NCOA1: variants seen among roughly 807,000 people sequenced by gnomAD.
The protein encoded by NCOA1 is nuclear receptor coactivator 1.
In NCOA1, 35 loss-of-function variants were observed where a neutral mutation model predicts 150.9. The ratio of observed to expected loss-of-function variants is 0.23; its 90% CI spans 0.18 to 0.31. NCOA1 has a LOEUF of 0.31. Among genes scored for constraint, NCOA1 ranks in the 10% least tolerant of loss-of-function variants. The pLI, the probability that NCOA1 is intolerant of heterozygous loss-of-function variation, is 1.00. For missense variants in NCOA1, 1,491 were observed against 1,749.3 expected (o/e 0.85, Z 2.63); for synonymous variants, 590 against 630.0 (o/e 0.94, Z 0.95).
intron 6 of NCOA1, among the ~76,000 whole-genome samples, chr2:24,670,788 T>C (rs1671647715): frequency 6.6e-6 from 1 of 152,206 alleles, no homozygotes; most frequent in Non-Finnish European, 1.5e-5. Context: ...ATACTAAAAA[T>C]CATTGAATTG....
intron 1 of NCOA1, among the ~76,000 whole-genome samples, chr2:24,514,064 G>A (rs1431940142): frequency 4.6e-5 from 7 of 151,926 alleles, no homozygotes; most frequent in South Asian, 2.1e-4. Flanking sequence ...CGAGGCAGGC[G>A]GATCACGAGG....
At chr2:24,575,805 C>A (rs1194933236) in intron 2 of NCOA1, among the ~76,000 whole-genome samples, 7 of 152,106 alleles carry the variant, frequency 4.6e-5, no homozygotes, top group African/African-American at 1.7e-4. Flanking sequence ...GATCTCCTGA[C>A]CTCATGATCC....
At chr2:24,738,208 T>C (rs1008694993) in intron 17 of NCOA1, among the ~76,000 whole-genome samples, 1 of 151,898 alleles carries the variant, frequency 6.6e-6, no homozygotes, top group Non-Finnish European at 1.5e-5. Flanking sequence ...TAATCACTGT[T>C]CATAGCTCTT....
At chr2:24,750,588 G>A (rs564550507) in intron 19 of NCOA1, among the ~76,000 whole-genome samples, 1 of 152,212 alleles carries the variant, frequency 6.6e-6, no homozygotes, top group Non-Finnish European at 1.5e-5. Flanking sequence ...AGAAGACCAT[G>A]TATGGCTACA....
intron 1 of NCOA1, among the ~76,000 whole-genome samples, chr2:24,511,540 C>G (rs1432221634): frequency 6.6e-6 from 1 of 152,164 alleles, no homozygotes; most frequent in Non-Finnish European, 1.5e-5. Flanking sequence ...GAAGAAATGT[C>G]TCTTCAGATC....
intron 6 of NCOA1, among the ~76,000 whole-genome samples, chr2:24,668,456 T>G (rs900956788): frequency 6.6e-6 from 1 of 151,914 alleles, no homozygotes; most frequent in Non-Finnish European, 1.5e-5. Flanking sequence ...ACTAGATTGC[T>G]TTCAGAATAG....
At chr2:24,621,592 C>T (rs1669168325) in intron 3 of NCOA1, among the ~76,000 whole-genome samples, 1 of 150,440 alleles carries the variant, frequency 6.6e-6, no homozygotes, top group Non-Finnish European at 1.5e-5. Context: ...GATTCTTCTG[C>T]CTCAGCCTCC....
intron 11 of NCOA1, among the ~76,000 whole-genome samples, chr2:24,700,842 C>T (rs1312518670): frequency 6.6e-6 from 1 of 152,140 alleles, no homozygotes; most frequent in East Asian, 1.9e-4. Context: ...AGTCTATAGT[C>T]TAAGATGTTT....
chr2:24,687,301 A>G (rs1672450511), intron 8 of NCOA1, among the ~76,000 whole-genome samples: 1 of 152,100 alleles, frequency 6.6e-6, no homozygotes. Context: ...GTCCCTGATA[A>G]CCGAATAGAT....
At chr2:24,588,664 G>T (rs1183560310) in intron 3 of NCOA1, among the ~76,000 whole-genome samples, 2 of 152,132 alleles carry the variant, frequency 1.3e-5, no homozygotes, top group Non-Finnish European at 2.9e-5. Flanking sequence ...TTTTCACTCA[G>T]TCGTTTTGTG....
chr2:24,605,507 G>T (rs1376497395), intron 3 of NCOA1, among the ~76,000 whole-genome samples: 1 of 151,984 alleles, frequency 6.6e-6, no homozygotes, highest in Non-Finnish European at 1.5e-5. Context: ...TTGATACATT[G>T]TTTTTTTCTA....
rs529214136 is a variant in NCOA1, at chr2:24,760,172, C to G, written c.4065+2016C>G. Among the ~76,000 whole-genome samples, 3 of 147,068 alleles carry G rather than the reference C, an allele frequency of 2.0e-5. No individual in the cohort carries two copies. In the South Asian group the frequency reaches 6.4e-4, roughly 31 times the overall value. ...TTTTTTTTTTTGAGATGGAGTCTCGCCCTTTAGCCCAGGCTGGAGTGTGGT... is the reference window on the plus strand; with the variant it reads ...TTTTTTTTTTTGAGATGGAGTCTCGGCCTTTAGCCCAGGCTGGAGTGTGGT... On this transcript the variant is annotated intron_variant, in intron 21 of 22. Transcript: ENST00000348332.
intron 4 of NCOA1, among the ~76,000 whole-genome samples, chr2:24,655,047 T>A (rs1182874478): frequency 6.6e-6 from 1 of 152,228 alleles, no homozygotes; most frequent in African/African-American, 2.4e-5. Flanking sequence ...TTTAATTTTA[T>A]GTGTTGTTGT....
intron 1 of NCOA1, among the ~76,000 whole-genome samples, chr2:24,532,505 T>G (rs1664943561): frequency 6.6e-6 from 1 of 152,192 alleles, no homozygotes; most frequent in African/African-American, 2.4e-5. Flanking sequence ...GCTTTTGGTG[T>G]TTTAGACATG....
chr2:24,652,996 A>G (rs775060879), intron 4 of NCOA1, among the ~76,000 whole-genome samples: 3 of 152,180 alleles, frequency 2.0e-5, no homozygotes, highest in Non-Finnish European at 4.4e-5. Context: ...CCAGAATCAT[A>G]CTATCAGCAA....
intron 1 of NCOA1, among the ~76,000 whole-genome samples, chr2:24,526,197 C>T (rs1664645213): frequency 6.6e-6 from 1 of 151,592 alleles, no homozygotes; most frequent in Non-Finnish European, 1.5e-5. Flanking sequence ...AGATGTGGTT[C>T]TAGTGGTTCA....
At position 24,707,823 on chromosome 2, in the gene NCOA1, A is replaced by C. The variant is rs1673531829; in HGVS notation, c.2353A>C (p.Asn785His). 6.2e-7 allele frequency: 1 copy of C among 1,613,806 alleles called. No individual in the cohort carries two copies. Among genetic ancestry groups the C allele is most frequent in the African/African-American group, 1.3e-5 (1 of 74,918 alleles). The change falls in exon 13 of 23, where the codon AAT becomes CAT. Residue 785 changes from asparagine to histidine, a missense_variant. Coordinates refer to ENST00000348332, the MANE Select transcript of NCOA1 (RefSeq NM_003743.5). Reference protein sequence around the residue: ...VEKKEQMDPCNTNPTPMTKPT... With the variant: ...VEKKEQMDPCHTNPTPMTKPT... ...AAAGAAAGAACAGATGGATCCATGTAATACAAACCCAACCCCAATGACCAA... is the reference window on the plus strand; with the variant it reads ...AAAGAAAGAACAGATGGATCCATGTCATACAAACCCAACCCCAATGACCAA...
chr2:24,502,197 C>T (rs566021625), intron 1 of NCOA1, among the ~76,000 whole-genome samples: 8 of 152,154 alleles, frequency 5.3e-5, no homozygotes, highest in Non-Finnish European at 1.0e-4. Context: ...CAATTCACTT[C>T]GCTTCAAGTA....
intron 2 of NCOA1, among the ~76,000 whole-genome samples, chr2:24,581,059 A>G (rs1667174914): frequency 6.6e-6 from 1 of 152,162 alleles, no homozygotes; most frequent in African/African-American, 2.4e-5. Flanking sequence ...ACTGCTGGTC[A>G]TGGATGGGAG....
Sources: allele counts gnomAD v4.1 joint callset (sites outside exome capture counted in the v4.1 genomes callset), GRCh38; gene constraint gnomAD v4.1.1; transcripts MANE v1.5; gene names NCBI Gene and HGNC (gene_info 2026-07-23, HGNC 2026-07-21).